Variants in MAGI3 observed in about 807,000 individuals in gnomAD.
The protein encoded by MAGI3 is membrane-associated guanylate kinase, WW and PDZ domain-containing protein 3.
A neutral mutation model predicts 121.8 loss-of-function variants in MAGI3; 43 were observed. That is an observed-to-expected ratio of 0.35 (90% CI 0.28 to 0.46). The LOEUF (loss-of-function observed/expected upper bound fraction) is 0.46. Among genes scored for constraint, MAGI3 ranks in the 20% least tolerant of loss-of-function variants. The pLI is 1.00. For synonymous variants in MAGI3, 553 were observed against 639.3 expected (o/e 0.86, Z 2.04); for missense variants, 1,547 against 1,797.3 (o/e 0.86, Z 2.52).
At chr1:113,473,281 T>G (rs1655633627) in intron 1 of MAGI3, among the ~76,000 whole-genome samples, 1 of 152,212 alleles carries the variant, frequency 6.6e-6, no homozygotes, top group Middle Eastern at 3.2e-3. Context: ...TTTATTATAC[T>G]TTAAGTTCTA....
intron 2 of MAGI3, 23 bp from the exon 3 acceptor site, chr1:113,580,519 C>CA: frequency 6.9e-7 from 1 of 1,458,590 alleles, no homozygotes; most frequent in Non-Finnish European, 9.3e-7. Flanking sequence ...TTACAACCTA[C>CA]TTTTTTTTTT....
intron 1 of MAGI3, among the ~76,000 whole-genome samples, chr1:113,531,971 A>T (rs1033583897): frequency 6.6e-6 from 1 of 152,190 alleles, no homozygotes; most frequent in Non-Finnish European, 1.5e-5. Flanking sequence ...TTAAGATATA[A>T]TTCAGTTCTT....
chr1:113,559,784 T>C (rs940267001), intron 2 of MAGI3, among the ~76,000 whole-genome samples: 15 of 152,170 alleles, frequency 9.9e-5, no homozygotes, highest in Non-Finnish European at 2.1e-4. Flanking sequence ...TTGGCTGGGC[T>C]GGTCTCGAAT....
intron 1 of MAGI3, among the ~76,000 whole-genome samples, chr1:113,418,982 A>G (rs1185244404): frequency 1.3e-5 from 2 of 152,150 alleles, no homozygotes; most frequent in East Asian, 3.8e-4. Flanking sequence ...GTTTTCCTGG[A>G]AGAAATTAAT....
intron 1 of MAGI3, among the ~76,000 whole-genome samples, chr1:113,414,612 G>T (rs1412271381): frequency 1.3e-5 from 2 of 151,984 alleles, no homozygotes; most frequent in African/African-American, 4.8e-5. Context: ...GAGAGTGTAT[G>T]TGTCCAGGAA....
intron 2 of MAGI3, among the ~76,000 whole-genome samples, chr1:113,551,494 G>A (rs1029679963): frequency 1.4e-4 from 21 of 152,060 alleles, no homozygotes; most frequent in African/African-American, 4.6e-4. Context: ...AATATTTTTT[G>A]TTTTTTTAAT....
rs943760633 is a variant in MAGI3, at chr1:113,495,211, AT to A, written c.317-54295del. Among the ~76,000 whole-genome samples the A allele has an allele frequency of 3.5e-4, 53 of 151,736 alleles. No homozygotes were observed. The East Asian group carries it at 8.3e-3, about 24-fold the overall frequency. The stretch of plus-strand genomic sequence containing the variant: ...GGACTGCTAAATCATAGAGGATCTA[AT>A]TTTTTTTTAAAACCCATTTGTTAGG... On this transcript the variant is annotated intron_variant, in intron 1 of 20. Coordinates refer to ENST00000307546, the MANE Select transcript of MAGI3 (RefSeq NM_001142782.2).
At chr1:113,527,472 T>C (rs894307965) in intron 1 of MAGI3, among the ~76,000 whole-genome samples, 14 of 152,192 alleles carry the variant, frequency 9.2e-5, no homozygotes, top group Admixed American at 2.6e-4. Context: ...ATATAAAAGA[T>C]TGTGTTATCT....
At position 113,483,234 on chromosome 1, in the gene MAGI3, C is replaced by T. The variant is rs116664788; in HGVS notation, c.317-66281C>T. ...CTGATATTTACATATGGGATCTATCCGTAGTAACTGACTTTTGATGCTCTT... is the reference window on the plus strand; with the variant it reads ...CTGATATTTACATATGGGATCTATCTGTAGTAACTGACTTTTGATGCTCTT... On this transcript the variant is annotated intron_variant, in intron 1 of 20. Transcript: ENST00000307546. Among the ~76,000 whole-genome samples, 353 of 152,200 alleles carry T rather than the reference C, an allele frequency of 2.3e-3. 2 individuals are homozygous for T. Among genetic ancestry groups the T allele is most frequent in the African/African-American group, 8.1e-3 (337 of 41,526 alleles).
chr1:113,518,113 C>T (rs1226874977), intron 1 of MAGI3, among the ~76,000 whole-genome samples: 2 of 151,972 alleles, frequency 1.3e-5, no homozygotes, highest in Non-Finnish European at 2.9e-5. Context: ...AATAACACAC[C>T]ACTGACATTG....
intron 16 of MAGI3, among the ~76,000 whole-genome samples, chr1:113,666,871 A>G (rs1388362210): frequency 6.6e-6 from 1 of 152,254 alleles, no homozygotes; most frequent in Non-Finnish European, 1.5e-5. Flanking sequence ...GGAACTCATG[A>G]AAACAACATT....
At chr1:113,634,409 G>T (rs902750660) in intron 9 of MAGI3, among the ~76,000 whole-genome samples, 2 of 152,156 alleles carry the variant, frequency 1.3e-5, no homozygotes, top group Admixed American at 6.5e-5. Flanking sequence ...ATTAATTTTT[G>T]TATAAGGTGT....
intron 1 of MAGI3, among the ~76,000 whole-genome samples, chr1:113,433,304 G>A (rs1303188606): frequency 6.6e-6 from 1 of 152,156 alleles, no homozygotes; most frequent in Non-Finnish European, 1.5e-5. Flanking sequence ...ACTATGATCA[G>A]ATCTCCTGCT....
At chr1:113,446,242 G>A (rs972259169) in intron 1 of MAGI3, among the ~76,000 whole-genome samples, 5 of 152,268 alleles carry the variant, frequency 3.3e-5, no homozygotes, top group Non-Finnish European at 7.4e-5. Context: ...ACAGCCAAAA[G>A]GGGAGGAAAT....
At chr1:113,657,923 AATC>A (rs1653571106) in intron 15 of MAGI3, among the ~76,000 whole-genome samples, 1 of 152,234 alleles carries the variant, frequency 6.6e-6, no homozygotes, top group Non-Finnish European at 1.5e-5. Flanking sequence ...TAGGGAAATA[AATC>A]ATCATCAAGA....
At chr1:113,420,875 C>T (rs1002104924) in intron 1 of MAGI3, among the ~76,000 whole-genome samples, 4 of 152,008 alleles carry the variant, frequency 2.6e-5, no homozygotes, top group Non-Finnish European at 4.4e-5. Context: ...GGGGGAGTGG[C>T]TTTTATAAGC....
chr1:113,634,510 G>C (rs1481450500), intron 9 of MAGI3, among the ~76,000 whole-genome samples: 4 of 152,174 alleles, frequency 2.6e-5, no homozygotes, highest in Non-Finnish European at 5.9e-5. Context: ...CCCATTGCTT[G>C]TTTTTCTCAG....
At chr1:113,533,692 C>T (rs1002569921) in intron 1 of MAGI3, among the ~76,000 whole-genome samples, 5 of 152,016 alleles carry the variant, frequency 3.3e-5, no homozygotes, top group Non-Finnish European at 7.4e-5. Flanking sequence ...TGTTGCCAAG[C>T]GAACGGAATA....
intron 1 of MAGI3, among the ~76,000 whole-genome samples, chr1:113,492,154 A>G (rs1470951541): frequency 1.3e-5 from 2 of 152,252 alleles, no homozygotes; most frequent in East Asian, 3.8e-4. Flanking sequence ...GCATAACATC[A>G]AAAAGCTTAT....
Sources: gnomAD v4.1 joint callset for allele counts (sites outside exome capture counted in the v4.1 genomes callset) on GRCh38, gnomAD v4.1.1 for gene constraint, MANE v1.5 for transcripts, NCBI Gene and HGNC (gene_info 2026-07-23, HGNC 2026-07-21) for gene names.